Variants in PHF21A observed in about 807,000 individuals in gnomAD.
PHF21A encodes BHC80a.
In PHF21A, 11 loss-of-function variants were observed where a neutral mutation model predicts 82.5. That is an observed-to-expected ratio of 0.13 (90% CI 0.08 to 0.22). The LOEUF is 0.22. Ranked by LOEUF, PHF21A falls within the 10% of genes least tolerant of loss-of-function variation. The pLI is 1.00. For synonymous variants in PHF21A, 297 were observed against 302.8 expected (o/e 0.98, Z 0.20); for missense variants, 579 against 837.8 (o/e 0.69, Z 3.81).
At chr11:45,956,917 GAC>G (rs2092684103) in intron 10 of PHF21A, among the ~76,000 whole-genome samples, 1 of 152,092 alleles carries the variant, frequency 6.6e-6, no homozygotes, top group South Asian at 2.1e-4. Flanking sequence ...CTGTAAGAGA[GAC>G]TCATTTTAGA....
At chr11:46,012,535 C>T (rs1423636678) in intron 6 of PHF21A, among the ~76,000 whole-genome samples, 1 of 152,216 alleles carries the variant, frequency 6.6e-6, no homozygotes, top group African/African-American at 2.4e-5. Flanking sequence ...CGCAAGTTAA[C>T]TCACGACAGT....
chr11:45,958,882 C>G (rs780675818), intron 10 of PHF21A, among the ~76,000 whole-genome samples: 1 of 152,150 alleles, frequency 6.6e-6, no homozygotes, highest in Non-Finnish European at 1.5e-5. Context: ...TGTACCACTA[C>G]ACTCCAGTCT....
intron 3 of PHF21A, among the ~76,000 whole-genome samples, chr11:46,088,899 G>A (rs998549725): frequency 6.6e-6 from 1 of 151,970 alleles, no homozygotes; most frequent in Admixed American, 6.6e-5. Flanking sequence ...CTTTCATTAC[G>A]ATTCTAATAA....
rs946480308 is a variant in PHF21A, at chr11:45,933,653, G to A, written c.*315C>T. ...CAGAAACAAACCCATCGTGGCTGTG[G>A]AGGCTGCTGCAGGCACACACTGGTG... On this transcript the variant is annotated 3_prime_UTR_variant, in exon 19 of 19. Coordinates refer to ENST00000676320, the MANE Select transcript of PHF21A (RefSeq NM_001352027.3). The A allele has an allele frequency of 4.3e-6, 1 of 230,110 alleles. No homozygotes were observed. The highest frequency in any genetic ancestry group is 2.2e-5 in the African/African-American group (1 of 44,458). 14.3% of individuals were successfully genotyped at this position (230,110 alleles called of 1,614,324 possible).
intron 10 of PHF21A, among the ~76,000 whole-genome samples, chr11:45,954,245 C>A (rs1056921959): frequency 6.6e-6 from 1 of 152,148 alleles, no homozygotes; most frequent in African/African-American, 2.4e-5. Flanking sequence ...GATCCACCCA[C>A]CTCAGCCTCC....
intron 6 of PHF21A, among the ~76,000 whole-genome samples, chr11:45,981,447 C>A (rs1482650726): frequency 6.9e-6 from 1 of 144,796 alleles, no homozygotes; most frequent in Non-Finnish European, 1.5e-5. Flanking sequence ...TGTCCTTGTT[C>A]TCTTTACCTG....
chr11:46,027,247 A>C (rs2095765554), intron 6 of PHF21A, among the ~76,000 whole-genome samples: 1 of 152,236 alleles, frequency 6.6e-6, no homozygotes, highest in Admixed American at 6.5e-5. Context: ...GCTAACAGGT[A>C]CAACATGAAC....
chr11:46,052,297 C>T (rs2139194392), intron 6 of PHF21A, among the ~76,000 whole-genome samples: 1 of 152,302 alleles, frequency 6.6e-6, no homozygotes, highest in Middle Eastern at 3.4e-3. Flanking sequence ...GCAAATGAAG[C>T]CAAAAGAGGG....
intron 6 of PHF21A, among the ~76,000 whole-genome samples, chr11:45,983,800 C>A (rs1481409511): frequency 2.0e-5 from 3 of 152,176 alleles, no homozygotes; most frequent in Admixed American, 1.3e-4. Context: ...AGTACCACTT[C>A]TGGGTGGCAG....
chr11:46,042,171 T>C (rs2096159044), intron 6 of PHF21A, among the ~76,000 whole-genome samples: 2 of 152,150 alleles, frequency 1.3e-5, no homozygotes, highest in South Asian at 2.1e-4. Flanking sequence ...CTTAATATAA[T>C]AAATATTTTT....
At chr11:46,044,866 T>C (rs1242470227) in intron 6 of PHF21A, among the ~76,000 whole-genome samples, 1 of 152,158 alleles carries the variant, frequency 6.6e-6, no homozygotes, top group Non-Finnish European at 1.5e-5. Context: ...TCCTCCAATA[T>C]AAATTCATTT....
intron 17 of PHF21A, 90 bp from the exon 18 acceptor site, chr11:45,935,829 G>A (rs1292997931): frequency 1.4e-6 from 1 of 700,040 alleles, no homozygotes; most frequent in Non-Finnish European, 2.4e-6. Context: ...GCCAAAGAAG[G>A]TATTTTCCCC....
chr11:45,965,435 A>T lies in PHF21A; in HGVS notation c.876T>A (p.Thr292=). ...TGGGGAACGTTTTGGCTATGGTTGC[A>T]GTCTGCCCATTGACGACACGGACGG... The part of the protein sequence containing the change: ...IHPVRVVNGQ[T]ATIAKTFPMA... The change falls in exon 10 of 19, where the codon ACT becomes ACA. Residue 292 remains threonine (T), a synonymous_variant. Coordinates refer to ENST00000676320, the MANE Select transcript of PHF21A (RefSeq NM_001352027.3). 6.2e-7 allele frequency: 1 copy of T among 1,614,130 alleles called. No individual in the cohort carries two copies. Among genetic ancestry groups the T allele is most frequent in the Non-Finnish European group, 8.5e-7 (1 of 1,180,032 alleles).
intron 10 of PHF21A, among the ~76,000 whole-genome samples, chr11:45,958,449 TACACACACACACACACACAC>T (rs60775450): frequency 2.0e-4 from 3 of 15,074 alleles, no homozygotes; most frequent in Non-Finnish European, 3.9e-4. Context: ...TATATATATA[TACACACACACACACACACAC>T]ATATATATTA....
At chr11:46,113,686 C>T (rs1321149660) in intron 1 of PHF21A, among the ~76,000 whole-genome samples, 4 of 151,928 alleles carry the variant, frequency 2.6e-5, no homozygotes, top group African/African-American at 4.8e-5. Context: ...ATTAGTTGGG[C>T]GTGGTGGCGC....
At chr11:46,039,200 C>T (rs2096074300) in intron 6 of PHF21A, among the ~76,000 whole-genome samples, 1 of 152,152 alleles carries the variant, frequency 6.6e-6, no homozygotes, top group Non-Finnish European at 1.5e-5. Context: ...ACTGAGAATA[C>T]TAATGAAACG....
chr11:45,939,202 G>A (rs753502294), intron 15 of PHF21A, among the ~76,000 whole-genome samples: 5 of 152,132 alleles, frequency 3.3e-5, no homozygotes, highest in African/African-American at 4.8e-5. Context: ...CATTATAGGC[G>A]ATACCTAAGA....
At chr11:46,041,096 CTTCT>C (rs907593512) in intron 6 of PHF21A, among the ~76,000 whole-genome samples, 7 of 152,076 alleles carry the variant, frequency 4.6e-5, no homozygotes, top group Admixed American at 6.6e-5. Context: ...GATGCATGGA[CTTCT>C]TTCTCTTTTT....
rs191014378 is a variant in PHF21A, at chr11:46,031,057, T to C, written c.153+45697A>G. On this transcript the variant is annotated intron_variant, in intron 6 of 18. Transcript: ENST00000676320. ...AGTGAACTTTTACAGGAAATTCATG[T>C]ACGACAAGCGATCACGTAGTAAAAG... 1.1e-4 allele frequency among the ~76,000 whole-genome samples: 17 copies of C among 152,336 alleles called. No homozygotes were observed. The East Asian group carries it at 3.3e-3, about 29-fold the overall frequency.
Sources: allele counts gnomAD v4.1 joint callset (sites outside exome capture counted in the v4.1 genomes callset), GRCh38; gene constraint gnomAD v4.1.1; transcripts MANE v1.5; gene names NCBI Gene and HGNC (gene_info 2026-07-23, HGNC 2026-07-21).